Variants in COL5A1 observed in about 807,000 individuals in gnomAD.
The protein encoded by COL5A1 is collagen alpha-1(V) chain.
Under a neutral mutation model 263.7 loss-of-function variants are expected in COL5A1, and 16 were observed. The observed-to-expected ratio is 0.06, with a 90% CI of 0.04 to 0.09. The LOEUF is 0.09. Among genes scored for constraint, COL5A1 ranks in the 10% least tolerant of loss-of-function variants. COL5A1 has a pLI of 1.00. For missense variants in COL5A1, 2,036 were observed against 2,540.5 expected, an observed-to-expected ratio of 0.80 and a Z score of 4.27; for synonymous variants, 1,012 against 1,004.5, an observed-to-expected ratio of 1.01 and a Z score of -0.14.
Position 134,652,838 on chromosome 9 carries a change from C to T in COL5A1, c.109+10542C>T, listed in dbSNP as rs1351406506. On this transcript the variant is annotated intron_variant, in intron 1 of 65. Coordinates refer to ENST00000371817, the MANE Select transcript of COL5A1 (RefSeq NM_000093.5). This position sits in a 1 kb window ranked among gnomAD's most constrained non-coding sequence, Gnocchi z 4.4. ...CCAGGCCCCAGAATCCCCCCGAGGCCTCTCTTAAGGCACAGATTGTTTCTG... is the reference window on the plus strand; with the variant it reads ...CCAGGCCCCAGAATCCCCCCGAGGCTTCTCTTAAGGCACAGATTGTTTCTG... 2.3e-6 allele frequency: 1 copy of T among 430,168 alleles called. No homozygotes were observed. The highest frequency in any genetic ancestry group is 7.4e-5 in the East Asian group (1 of 13,582). 26.6% of individuals were successfully genotyped at this position (430,168 alleles called of 1,614,324 possible).
At chr9:134,798,562 G>A (rs1838001141) in intron 37 of COL5A1, 101 bp downstream of exon 37, 1 of 811,246 alleles carries the variant, frequency 1.2e-6, no homozygotes, top group Non-Finnish European at 1.9e-6. Context: ...GACCCTCCTG[G>A]CCTGGGAGAG....
rs542067183 is a variant in COL5A1 at position 134,825,939 on chromosome 9, G to A, written c.5067+35G>A. 1.6e-5 allele frequency: 23 copies of A among 1,449,926 alleles called. No individual in the cohort carries two copies. In the South Asian group the frequency reaches 2.5e-4, roughly 16 times the overall value. The allele number at this position is 1,449,926 out of a possible 1,614,324, so 89.8% of individuals were successfully genotyped here. A position where few individuals can be genotyped will look rare whatever the true frequency, so the allele number is the denominator to read the frequency against. ...TGTGTCCCTCCATGGCCCCAGCGGGGCAGGCGTCACAGACAGGGCCATGCC... is the reference window on the plus strand; with the variant it reads ...TGTGTCCCTCCATGGCCCCAGCGGGACAGGCGTCACAGACAGGGCCATGCC... On this transcript the variant is annotated intron_variant, in intron 63 of 65. Coordinates refer to ENST00000371817, the MANE Select transcript of COL5A1 (RefSeq NM_000093.5).
At position 134,809,429 on chromosome 9, in the gene COL5A1, C is replaced by G. The variant is rs1838429185; in HGVS notation, c.3474+139C>G. 5 of 726,846 alleles carry G rather than the reference C, an allele frequency of 6.9e-6. No homozygotes were observed. In the Admixed American group the frequency reaches 1.0e-4, roughly 15 times the overall value. 45.0% of individuals were successfully genotyped at this position (726,846 alleles called of 1,614,324 possible). On this transcript the variant is annotated intron_variant, in intron 43 of 65. Coordinates refer to ENST00000371817, the MANE Select transcript of COL5A1 (RefSeq NM_000093.5). Reference sequence around the variant, plus strand: ...AGTGATGCCACACCCACCCCGCAGTCCTGGCATTAGGGGATGATTTCACAG... The same window carrying G: ...AGTGATGCCACACCCACCCCGCAGTGCTGGCATTAGGGGATGATTTCACAG...
At chr9:134,738,850 G>C (rs765589835) in intron 11 of COL5A1, 42 bp downstream of exon 11, 3 of 1,546,478 alleles carry the variant, frequency 1.9e-6, no homozygotes, top group Non-Finnish European at 2.7e-6. Flanking sequence ...ACAAGGTGTG[G>C]GGCTGCCCAC....
At chr9:134,751,406 G>C (rs1000343372) in intron 13 of COL5A1, among the ~76,000 whole-genome samples, 1 of 152,252 alleles carries the variant, frequency 6.6e-6, no homozygotes, top group East Asian at 1.9e-4. Context: ...TAGGCCCTCT[G>C]CTGGGATCCA....
intron 64 of COL5A1, among the ~76,000 whole-genome samples, chr9:134,832,130 G>A (rs1009343822): frequency 3.9e-5 from 6 of 152,128 alleles, no homozygotes; most frequent in Admixed American, 6.5e-5. Flanking sequence ...AATGGGCTGG[G>A]CAGGTTGGCT....
intron 45 of COL5A1, 45 bp from the exon 46 acceptor site, chr9:134,811,447 T>A: frequency 6.2e-7 from 1 of 1,613,390 alleles, no homozygotes; most frequent in Non-Finnish European, 8.5e-7. Context: ...CCAGAGCTGC[T>A]GGCATTGCCA....
intron 1 of COL5A1, among the ~76,000 whole-genome samples, chr9:134,656,190 C>T (rs1831965156): frequency 6.6e-6 from 1 of 152,120 alleles, no homozygotes. Context: ...GCCTGCGGCT[C>T]CTCGTCCTGC....
Position 134,642,658 on chromosome 9 carries a change from C to T in COL5A1, c.109+362C>T, listed in dbSNP as rs1364600130. The stretch of plus-strand genomic sequence containing the variant: ...AGGCGCCCAGCTTGGGCCCTCACAG[C>T]CCTACAGCAGAACTTCCTCTGCTCC... On this transcript the variant is annotated intron_variant, in intron 1 of 65. Coordinates refer to ENST00000371817, the MANE Select transcript of COL5A1 (RefSeq NM_000093.5). The surrounding 1 kb of genome is among the most constrained non-coding windows in gnomAD (Gnocchi z 4.5). 6.6e-6 allele frequency among the ~76,000 whole-genome samples: 1 copy of T among 152,228 alleles called. No individual in the cohort carries two copies. The highest frequency in any genetic ancestry group is 1.5e-5 in the Non-Finnish European group (1 of 68,032).
intron 1 of COL5A1, among the ~76,000 whole-genome samples, chr9:134,669,215 C>T (rs1832454323): frequency 1.1e-5 from 1 of 88,874 alleles, no homozygotes; most frequent in Non-Finnish European, 2.1e-5. Context: ...CTTTCCTTTT[C>T]CCTTCCCTTC....
chr9:134,764,710 G>T (rs956374793), intron 20 of COL5A1, among the ~76,000 whole-genome samples: 1 of 152,106 alleles, frequency 6.6e-6, no homozygotes, highest in South Asian at 2.1e-4. Flanking sequence ...AGGAGGCAGG[G>T]GTCGGTGCCT....
chr9:134,814,676 G>C (rs1446134019), intron 49 of COL5A1, 121 bp from the exon 50 acceptor site: 1 of 794,390 alleles, frequency 1.3e-6, no homozygotes, highest in East Asian at 2.7e-5. Flanking sequence ...GCCCCCTGCA[G>C]GGCTCAGCAG....
intron 1 of COL5A1, among the ~76,000 whole-genome samples, chr9:134,668,998 C>A (rs962888383): frequency 1.5e-5 from 2 of 130,116 alleles, no homozygotes; most frequent in African/African-American, 6.3e-5. Context: ...CACCCACCCA[C>A]CCACTCACCC....
intron 18 of COL5A1, among the ~76,000 whole-genome samples, chr9:134,760,505 C>CAG (rs1425165670): frequency 6.3e-5 from 8 of 126,698 alleles, no homozygotes; most frequent in South Asian, 5.7e-4. Context: ...CACATGCACA[C>CAG]ACGCATACAC....
At position 134,642,231 on chromosome 9, in the gene COL5A1, C is replaced by A; in HGVS notation, c.44C>A (p.Pro15Gln). 7.7e-7 allele frequency: 1 copy of A among 1,295,804 alleles called. No individual in the cohort carries two copies. The highest frequency in any genetic ancestry group is 9.8e-7 in the Non-Finnish European group (1 of 1,017,822). 80.3% of individuals were successfully genotyped at this position (1,295,804 alleles called of 1,614,324 possible). Residue 15 changes from proline (P) to glutamine (Q), a missense_variant, in exon 1 of 66, where the codon CCG becomes CAG. Physicochemically the swap from Pro to Gln is moderately conservative, Grantham distance 76. Around this residue, in one of 3 missense-constraint regions of COL5A1, gnomAD observed 600 missense variants for 634.5 expected, o/e 0.95. Transcript: ENST00000371817. The surrounding 1 kb of genome is among the most constrained non-coding windows in gnomAD (Gnocchi z 4.5). ...TRWKARSALR[P>Q]GAPLLPPLLL... ...TGGAAAGCGCGCAGCGCGCTCCGCC[C>A]GGGCGCCCCGCTGCTGCCCCCGCTG...
intron 1 of COL5A1, among the ~76,000 whole-genome samples, chr9:134,651,919 C>T (rs571242964): frequency 1.3e-5 from 2 of 152,312 alleles, no homozygotes; most frequent in African/African-American, 2.4e-5. Flanking sequence ...TGCTATTTCT[C>T]TGCTCTTCCC....
intron 1 of COL5A1, among the ~76,000 whole-genome samples, chr9:134,655,122 G>T (rs1480892961): frequency 6.7e-6 from 1 of 149,310 alleles, no homozygotes; most frequent in Non-Finnish European, 1.5e-5. Context: ...GGGGTGTGTA[G>T]GGCTGGTGTG....
intron 29 of COL5A1, among the ~76,000 whole-genome samples, chr9:134,784,124 C>A (rs549256218): frequency 3.9e-5 from 6 of 152,186 alleles, no homozygotes; most frequent in African/African-American, 1.2e-4. Context: ...TGCACCTTCT[C>A]GGTGCTCTGT....
chr9:134,798,573 A>T lies in COL5A1; in HGVS notation c.2952+112A>T, dbSNP rs375179580. On this transcript the variant is annotated intron_variant, in intron 37 of 65. Transcript: ENST00000371817. ...CTAGGACCCTCCTGGCCTGGGAGAG[A>T]CAGGTTGGCCTCAGAAAGGCTCCCA... 1.6e-5 allele frequency: 5 copies of T among 305,020 alleles called. No homozygotes were observed. In the Admixed American group the frequency reaches 2.4e-4, roughly 15 times the overall value. 18.9% of individuals were successfully genotyped at this position (305,020 alleles called of 1,614,324 possible). A position where few individuals can be genotyped will look rare whatever the true frequency, so the allele number is the denominator to read the frequency against.
Sources: allele counts gnomAD v4.1 joint callset (sites outside exome capture counted in the v4.1 genomes callset), GRCh38; gene constraint gnomAD v4.1.1; regional missense constraint gnomAD v4.1.1; non-coding constraint Gnocchi (gnomAD v3.1); transcripts MANE v1.5; gene names NCBI Gene and HGNC (gene_info 2026-07-23, HGNC 2026-07-21).